The following ATP11B variants were observed in gnomAD, a reference collection of about 807,000 sequenced individuals.
ATP11B encodes the protein ATPase phospholipid transporting 11B (putative), also known as phospholipid-transporting ATPase IF.
In ATP11B, 81 loss-of-function variants were observed where a neutral mutation model predicts 157.8. The ratio of observed to expected loss-of-function variants is 0.51; its 90% CI spans 0.43 to 0.62. ATP11B has a LOEUF of 0.62. Ranked by LOEUF, ATP11B falls within the 20% of genes least tolerant of loss-of-function variation. The probability of loss-of-function intolerance (pLI) is 0.00; values close to 1 mark genes in which losing one functional copy is unlikely to be tolerated. For missense variants in ATP11B, 1,165 were observed against 1,402.2 expected (o/e 0.83, Z 2.70); for synonymous variants, 451 against 469.4 (o/e 0.96, Z 0.51).
At chr3:182,880,235 T>G (rs1462656462) in intron 20 of ATP11B, among the ~76,000 whole-genome samples, 1 of 152,204 alleles carries the variant, frequency 6.6e-6, no homozygotes, top group Admixed American at 6.5e-5. Flanking sequence ...TCCTTTGCAG[T>G]GCACATCTAA....
At chr3:182,853,938 A>G (rs1315287275) in intron 10 of ATP11B, among the ~76,000 whole-genome samples, 1 of 152,250 alleles carries the variant, frequency 6.6e-6, no homozygotes, top group Non-Finnish European at 1.5e-5. Context: ...GTATTAACAA[A>G]GATGATAGTT....
intron 10 of ATP11B, among the ~76,000 whole-genome samples, chr3:182,852,848 C>A (rs1179364180): frequency 1.3e-5 from 2 of 152,170 alleles, no homozygotes; most frequent in South Asian, 4.1e-4. Flanking sequence ...GCTTAAACTT[C>A]ATCGAAATGT....
At position 182,918,317 on chromosome 3, in the gene ATP11B, A is replaced by T; in HGVS notation, c.*213A>T. 1 of 557,304 alleles carries T rather than the reference A, an allele frequency of 1.8e-6. No homozygotes were observed. The highest frequency in any genetic ancestry group is 2.8e-6 in the Non-Finnish European group (1 of 358,474). 34.5% of individuals were successfully genotyped at this position (557,304 alleles called of 1,614,324 possible). On this transcript the variant is annotated 3_prime_UTR_variant, in exon 30 of 30. Transcript: ENST00000323116. Reference sequence around the variant, plus strand: ...TTGAATCTGAACATGTTAAAATTTGAGAATAAAGAGACATTTTTCATCTCT... The same window carrying T: ...TTGAATCTGAACATGTTAAAATTTGTGAATAAAGAGACATTTTTCATCTCT...
Position 182,837,141 on chromosome 3 carries a change from T to C in ATP11B, c.623T>C (p.Ile208Thr). ...VANLDTLVAV[I>T]ECQQPEADLY... ...AATTTGGACACTCTAGTAGCTGTAA[T>C]AGAATGCCAGCAACCAGAAGCAGAC... Residue 208 changes from isoleucine (I) to threonine (T), a missense_variant, in exon 7 of 30, where the codon ATA (isoleucine) becomes ACA (threonine). Coordinates refer to ENST00000323116, the MANE Select transcript of ATP11B (RefSeq NM_014616.3). 8 of 1,613,276 alleles carry C rather than the reference T, an allele frequency of 5.0e-6. No homozygotes were observed. Among genetic ancestry groups the C allele is most frequent in the Non-Finnish European group, 6.8e-6 (8 of 1,179,412 alleles).
Position 182,919,905 on chromosome 3 carries a change from G to C in ATP11B, c.*1801G>C, listed in dbSNP as rs1319563146. 1 of 152,130 alleles carries C rather than the reference G, an allele frequency of 6.6e-6. No individual in the cohort carries two copies. Among genetic ancestry groups the C allele is most frequent in the Non-Finnish European group, 1.5e-5 (1 of 67,994 alleles). The allele number at this position is 152,130 out of a possible 1,614,324, so 9.4% of individuals were successfully genotyped here. A position where few individuals can be genotyped will look rare whatever the true frequency, so the allele number is the denominator to read the frequency against. The stretch of plus-strand genomic sequence containing the variant: ...TCTGTTATTCTGGAAGTACTAAAAA[G>C]AATAATACAACGTACAATGTCTGCA... On this transcript the variant is annotated 3_prime_UTR_variant, in exon 30 of 30. Coordinates refer to ENST00000323116, the MANE Select transcript of ATP11B (RefSeq NM_014616.3).
intron 1 of ATP11B, among the ~76,000 whole-genome samples, chr3:182,800,668 G>A (rs966471941): frequency 5.3e-5 from 8 of 152,086 alleles, no homozygotes; most frequent in African/African-American, 1.9e-4. Context: ...TGACTCTTGG[G>A]TGTGCTTAGG....
intron 1 of ATP11B, among the ~76,000 whole-genome samples, chr3:182,818,287 G>A (rs565763182): frequency 1.3e-5 from 2 of 152,292 alleles, no homozygotes; most frequent in South Asian, 2.1e-4. Context: ...GACTAAAGGA[G>A]TAGCCTTGAA....
intron 25 of ATP11B, among the ~76,000 whole-genome samples, chr3:182,894,558 A>C (rs1001276836): frequency 6.6e-6 from 1 of 152,218 alleles, no homozygotes; most frequent in African/African-American, 2.4e-5. Flanking sequence ...CTCAAGGGCA[A>C]GTCAGAATGG....
At chr3:182,897,217 T>G in intron 26 of ATP11B, 86 bp from the exon 27 acceptor site, 2 of 725,340 alleles carry the variant, frequency 2.8e-6, no homozygotes, top group Non-Finnish European at 4.5e-6. Flanking sequence ...TTTTAGATAC[T>G]TATGTTTATT....
chr3:182,806,087 G>C (rs1053680824), intron 1 of ATP11B, among the ~76,000 whole-genome samples: 2 of 152,094 alleles, frequency 1.3e-5, no homozygotes, highest in African/African-American at 2.4e-5. Context: ...TTCATGAGTG[G>C]TAATGTTTTT....
intron 1 of ATP11B, among the ~76,000 whole-genome samples, chr3:182,813,327 C>T (rs989143464): frequency 3.4e-4 from 51 of 152,238 alleles, no homozygotes; most frequent in African/African-American, 1.1e-3. Flanking sequence ...ATTTTACATT[C>T]CCCCCAGCAA....
intron 1 of ATP11B, among the ~76,000 whole-genome samples, chr3:182,815,144 A>T (rs1309365225): frequency 6.6e-6 from 1 of 152,076 alleles, no homozygotes; most frequent in South Asian, 2.1e-4. Context: ...TCCAGTCCCA[A>T]CTCACCCCTG....
chr3:182,873,996 T>A lies in ATP11B; in HGVS notation c.2233T>A (p.Leu745Met), dbSNP rs1380711187. Residue 745 changes from leucine to methionine, a missense_variant, in exon 19 of 30, where the codon TTG becomes ATG. Around this residue, in one of 4 missense-constraint regions of ATP11B, gnomAD observed 737 missense variants for 930.5 expected, o/e 0.79. Coordinates refer to ENST00000323116, the MANE Select transcript of ATP11B (RefSeq NM_014616.3). Reference sequence around the variant, plus strand: ...ATCAGACAGCGAGTGTGCTGAACAATTGAGGCAGCTTGCCAGAAGGTAAGA... The same window carrying A: ...ATCAGACAGCGAGTGTGCTGAACAAATGAGGCAGCTTGCCAGAAGGTAAGA... ...QKSDSECAEQ[L>M]RQLARRITED... is the part of the protein sequence containing the mutation. The A allele has an allele frequency of 6.2e-7, 1 of 1,613,938 alleles. No individual in the cohort carries two copies. The highest frequency in any genetic ancestry group is 1.7e-5 in the Admixed American group (1 of 60,008).
rs768947180 is a variant in ATP11B at position 182,913,958 on chromosome 3, G to C, written c.3416G>C (p.Arg1139Pro). 2 of 1,613,992 alleles carry C rather than the reference G, an allele frequency of 1.2e-6. No individual in the cohort carries two copies. The highest frequency in any genetic ancestry group is 1.7e-5 in the Admixed American group (1 of 59,998). ...GCATCTGTTGGAAGAATGCTGGAAC[G>C]AGTTATAGGAAGATGTAGTCCAACC... Reference protein sequence around the residue: ...ACASVGRMLERVIGRCSPTHI... With the variant: ...ACASVGRMLEPVIGRCSPTHI... Residue 1139 changes from arginine (R) to proline (P), a missense_variant, in exon 29 of 30, where the codon CGA becomes CCA. This residue lies in a region of ATP11B where 303 missense variants were observed against 296.3 expected (regional missense o/e 1.02). Transcript: ENST00000323116.
chr3:182,901,665 A>C (rs760059615), intron 28 of ATP11B, among the ~76,000 whole-genome samples: 1 of 152,176 alleles, frequency 6.6e-6, no homozygotes, highest in Non-Finnish European at 1.5e-5. Flanking sequence ...GTTTTCATAG[A>C]TATTTCTTAA....
intron 14 of ATP11B, among the ~76,000 whole-genome samples, 177 bp from the exon 15 acceptor site, chr3:182,867,199 G>GTA (rs1292054449): frequency 0.013 from 1,994 of 152,198 alleles, 43 homozygotes; most frequent in African/African-American, 0.047. Context: ...GAAGTGCTGG[G>GTA]ATGACAGGCA....
At position 182,921,498 on chromosome 3, in the gene ATP11B, C is replaced by G. The variant is rs1560145042; in HGVS notation, c.*3394C>G. The G allele has an allele frequency of 6.6e-6, 1 of 152,124 alleles. No homozygotes were observed. The highest frequency in any genetic ancestry group is 1.9e-4 in the East Asian group (1 of 5,200). The allele number at this position is 152,124 out of a possible 1,614,324, so 9.4% of individuals were successfully genotyped here. ...GGTTTAAAATTTTGGACCTGAGACA[C>G]TGTGGCTGTCTAATGTAATCCTTTA... On this transcript the variant is annotated 3_prime_UTR_variant, in exon 30 of 30. Transcript: ENST00000323116.
At chr3:182,916,994 G>C in intron 29 of ATP11B, 1 of 984,738 alleles carries the variant, frequency 1.0e-6, no homozygotes, top group South Asian at 4.7e-5. Context: ...AGTTCTAGAT[G>C]CTAGGGAGAC....
At chr3:182,797,929 G>A (rs1221165494) in intron 1 of ATP11B, among the ~76,000 whole-genome samples, 2 of 152,052 alleles carry the variant, frequency 1.3e-5, no homozygotes, top group East Asian at 3.9e-4. Context: ...AACATTAAAA[G>A]TGAATTCCTG....
Sources: gnomAD v4.1 joint callset for allele counts (sites outside exome capture counted in the v4.1 genomes callset) on GRCh38, gnomAD v4.1.1 for gene constraint, gnomAD v4.1.1 regional missense constraint, MANE v1.5 for transcripts, NCBI Gene and HGNC (gene_info 2026-07-23, HGNC 2026-07-21) for gene names.